The following PDIA5 variants were observed in gnomAD, a reference collection of about 807,000 sequenced individuals.
The protein encoded by PDIA5 is protein disulfide isomerase family A member 5, also known as protein disulfide-isomerase A5.
Under a neutral mutation model 77.6 loss-of-function variants are expected in PDIA5, and 58 were observed. The ratio of observed to expected loss-of-function variants is 0.75; its 90% CI spans 0.61 to 0.93. The LOEUF (loss-of-function observed/expected upper bound fraction) is 0.93. Ranked by LOEUF, PDIA5 falls within the 40% of genes least tolerant of loss-of-function variation. The pLI is 0.00. For missense variants in PDIA5, 630 were observed against 647.7 expected (o/e 0.97, Z 0.30); for synonymous variants, 250 against 252.1 (o/e 0.99, Z 0.08).
chr3:123,146,368 C>T, intron 13 of PDIA5, 109 bp downstream of exon 13: 8 of 908,944 alleles, frequency 8.8e-6, no homozygotes, highest in Middle Eastern at 2.4e-4. Context: ...GGCTCATGCC[C>T]GTAGGAGTCA....
At chr3:123,077,068 C>G (rs932570669) in intron 1 of PDIA5, among the ~76,000 whole-genome samples, 1 of 152,132 alleles carries the variant, frequency 6.6e-6, no homozygotes, top group Non-Finnish European at 1.5e-5. Context: ...AGAAATGCAG[C>G]TGGACTTGTA....
intron 15 of PDIA5, among the ~76,000 whole-genome samples, chr3:123,160,473 G>A (rs1230950837): frequency 6.6e-6 from 1 of 152,180 alleles, no homozygotes; most frequent in Non-Finnish European, 1.5e-5. Context: ...TTCCAGATGT[G>A]CTTCCCTGGT....
intron 11 of PDIA5, among the ~76,000 whole-genome samples, chr3:123,132,019 A>G (rs1935381594): frequency 6.6e-6 from 1 of 152,178 alleles, no homozygotes; most frequent in African/African-American, 2.4e-5. Context: ...CCTCTTAATC[A>G]TAGGGTCCTC....
At chr3:123,080,892 T>C (rs1444354713) in intron 1 of PDIA5, among the ~76,000 whole-genome samples, 1 of 144,808 alleles carries the variant, frequency 6.9e-6, no homozygotes, top group East Asian at 1.9e-4. Context: ...ACGTCTATCT[T>C]ATTAGCTCCT....
At chr3:123,136,370 C>A (rs138809419) in intron 11 of PDIA5, among the ~76,000 whole-genome samples, 1 of 152,182 alleles carries the variant, frequency 6.6e-6, no homozygotes, top group African/African-American at 2.4e-5. Context: ...CGCCGTGCCC[C>A]TTCTCAGGGC....
At chr3:123,101,414 C>A (rs192135199) in intron 3 of PDIA5, among the ~76,000 whole-genome samples, 1 of 152,172 alleles carries the variant, frequency 6.6e-6, no homozygotes, top group East Asian at 1.9e-4. Context: ...TGAGGTTGTG[C>A]GTGAGTGCTT....
rs191111730 is a variant in PDIA5, at chr3:123,121,641, G to A, written c.610-2425G>A. 3.9e-5 allele frequency among the ~76,000 whole-genome samples: 6 copies of A among 152,298 alleles called. No homozygotes were observed. The East Asian group carries it at 1.2e-3, about 29-fold the overall frequency. On this transcript the variant is annotated intron_variant, in intron 8 of 16. Transcript: ENST00000316218. The stretch of plus-strand genomic sequence containing the variant: ...AAGGGATGGGTGAGTCTGGAGGGTC[G>A]CCAGGAGGCGGGGGATGGGCAGCCT...
At chr3:123,155,453 A>G (rs1337578204) in intron 15 of PDIA5, among the ~76,000 whole-genome samples, 1 of 152,222 alleles carries the variant, frequency 6.6e-6, no homozygotes, top group Non-Finnish European at 1.5e-5. Flanking sequence ...CGCCCTGCCT[A>G]AGTGAAAGGC....
intron 7 of PDIA5, among the ~76,000 whole-genome samples, chr3:123,112,742 T>C (rs1361750708): frequency 6.6e-6 from 1 of 151,998 alleles, no homozygotes; most frequent in Non-Finnish European, 1.5e-5. Flanking sequence ...ATATTTTTAG[T>C]AGAGATGGGG....
At chr3:123,146,493 TG>T (rs1194185066) in intron 13 of PDIA5, among the ~76,000 whole-genome samples, 2 of 152,222 alleles carry the variant, frequency 1.3e-5, no homozygotes, top group African/African-American at 2.4e-5. Context: ...CACTAAACCG[TG>T]TGTTGCTTTT....
chr3:123,146,031 G>A (rs1935763240), intron 12 of PDIA5, 68 bp from the exon 13 acceptor site: 1 of 1,482,046 alleles, frequency 6.7e-7, no homozygotes, highest in Admixed American at 1.8e-5. Flanking sequence ...GGCAGCGTCT[G>A]GGCTCCTGTG....
intron 6 of PDIA5, among the ~76,000 whole-genome samples, chr3:123,110,132 T>C (rs1576447032): frequency 6.6e-6 from 1 of 152,176 alleles, no homozygotes; most frequent in African/African-American, 2.4e-5. Context: ...CTTTTTCCCA[T>C]CCATCATTGG....
intron 15 of PDIA5, among the ~76,000 whole-genome samples, chr3:123,160,953 C>T (rs1936146299): frequency 6.6e-6 from 1 of 152,074 alleles, no homozygotes; most frequent in Non-Finnish European, 1.5e-5. Flanking sequence ...GCTAATGTTC[C>T]GGAAATATTA....
chr3:123,098,879 C>T (rs1560512057), intron 3 of PDIA5, among the ~76,000 whole-genome samples: 2 of 152,190 alleles, frequency 1.3e-5, no homozygotes, highest in Non-Finnish European at 2.9e-5. Flanking sequence ...CTCCTTTCTC[C>T]CCTAGAACCT....
intron 6 of PDIA5, among the ~76,000 whole-genome samples, chr3:123,108,101 G>A (rs962156030): frequency 6.6e-6 from 1 of 152,018 alleles, no homozygotes; most frequent in Non-Finnish European, 1.5e-5. Context: ...CTTGCCTATT[G>A]ACTGTACTCT....
intron 14 of PDIA5, among the ~76,000 whole-genome samples, chr3:123,151,835 G>GCCTGCCTGCCTGCCTGCCTT (rs1935909336): frequency 9.2e-6 from 1 of 109,122 alleles, no homozygotes; most frequent in African/African-American, 3.6e-5. Context: ...CTGCCTTCCT[G>GCCTGCCTGCCTGCCTGCCTT]CCTGCCTGCC....
At chr3:123,155,172 C>A in intron 15 of PDIA5, 131 bp downstream of exon 15, 1 of 697,450 alleles carries the variant, frequency 1.4e-6, no homozygotes, top group Non-Finnish European at 2.6e-6. Flanking sequence ...CCTTGGGAAC[C>A]AGGACATTCT....
intron 8 of PDIA5, among the ~76,000 whole-genome samples, chr3:123,120,234 G>A (rs754123932): frequency 6.6e-5 from 10 of 152,200 alleles, no homozygotes; most frequent in African/African-American, 1.7e-4. Flanking sequence ...CCATCATGAC[G>A]ACAGATTTGT....
At chr3:123,126,414 C>A (rs1935247382) in intron 10 of PDIA5, among the ~76,000 whole-genome samples, 1 of 152,192 alleles carries the variant, frequency 6.6e-6, no homozygotes, top group African/African-American at 2.4e-5. Flanking sequence ...TGTCATTCTG[C>A]TACCAGCTGG....
Sources: allele counts gnomAD v4.1 joint callset (sites outside exome capture counted in the v4.1 genomes callset), GRCh38; gene constraint gnomAD v4.1.1; transcripts MANE v1.5; gene names NCBI Gene and HGNC (gene_info 2026-07-23, HGNC 2026-07-21).